DTNB: variants seen among roughly 807,000 people sequenced by gnomAD.
DTNB encodes the protein DTN-B.
In DTNB, 63 loss-of-function variants were observed where a neutral mutation model predicts 90.7. The ratio of observed to expected loss-of-function variants is 0.69; its 90% confidence interval spans 0.57 to 0.86. DTNB has a LOEUF of 0.86. DTNB is among the 40% of genes least tolerant of loss of function. DTNB has a pLI of 0.00. For synonymous variants in DTNB, 277 were observed against 286.7 expected (o/e 0.97, Z 0.34); for missense variants, 744 against 807.1 (o/e 0.92, Z 0.95).
At chr2:25,455,986 G>A (rs1166537513) in intron 10 of DTNB, among the ~76,000 whole-genome samples, 2 of 152,114 alleles carry the variant, frequency 1.3e-5, no homozygotes, top group Admixed American at 1.3e-4. Context: ...TAAGGATACT[G>A]CCTTTAGCAT....
At chr2:25,497,418 A>G (rs1277344239) in intron 9 of DTNB, 2 of 152,238 alleles carry the variant, frequency 1.3e-5, no homozygotes, top group Non-Finnish European at 2.9e-5. Context: ...GCCTCTTCTA[A>G]TTGCCAACTC....
intron 12 of DTNB, among the ~76,000 whole-genome samples, chr2:25,450,533 T>C (rs2059122352): frequency 6.6e-6 from 1 of 152,186 alleles, no homozygotes; most frequent in African/African-American, 2.4e-5. Context: ...TTATTCTAGG[T>C]CCTTTGGTTC....
At chr2:25,546,960 C>T (rs2082558404) in intron 8 of DTNB, among the ~76,000 whole-genome samples, 1 of 152,070 alleles carries the variant, frequency 6.6e-6, no homozygotes, top group African/African-American at 2.4e-5. Context: ...AATCCTCCCA[C>T]CTCAGCCTTC....
chr2:25,553,088 C>T, intron 8 of DTNB, among the ~76,000 whole-genome samples: 1 of 151,498 alleles, frequency 6.6e-6, no homozygotes, highest in Non-Finnish European at 1.5e-5. Context: ...TCTCGATCTC[C>T]TGACCTCATG....
At position 25,634,050 on chromosome 2, in the gene DTNB, G is replaced by A. The variant is rs559399936; in HGVS notation, c.148+4964C>T. ...CGTCTGGGAAGTTAGGAGCGTCTACGCCCGGCAGCCAGGAGGGAGGTGGGG... is the reference window on the plus strand; with the variant it reads ...CGTCTGGGAAGTTAGGAGCGTCTACACCCGGCAGCCAGGAGGGAGGTGGGG... On this transcript the variant is annotated intron_variant, in intron 3 of 20. Transcript: ENST00000406818. Among the ~76,000 whole-genome samples, 168 of 152,010 alleles carry A rather than the reference G, an allele frequency of 1.1e-3. 1 individual carries two copies. Among genetic ancestry groups the A allele is most frequent in the African/African-American group, 3.2e-3 (132 of 41,504 alleles).
chr2:25,464,975 TA>T, intron 10 of DTNB, among the ~76,000 whole-genome samples: 2 of 152,286 alleles, frequency 1.3e-5, no homozygotes, highest in South Asian at 4.1e-4. Context: ...CATGAGTGGA[TA>T]AACTAGTGAA....
intron 10 of DTNB, among the ~76,000 whole-genome samples, chr2:25,465,955 A>G (rs2061696187): frequency 6.6e-6 from 1 of 152,220 alleles, no homozygotes; most frequent in Non-Finnish European, 1.5e-5. Flanking sequence ...ACCTCCTGAA[A>G]CAGTGCCTCG....
chr2:25,394,248 T>C (rs1177889866), intron 16 of DTNB, among the ~76,000 whole-genome samples: 1 of 151,948 alleles, frequency 6.6e-6, no homozygotes, highest in African/African-American at 2.4e-5. Context: ...TCAACTCAGG[T>C]TGGATCAAAG....
At chr2:25,642,422 T>G (rs889660313) in intron 2 of DTNB, among the ~76,000 whole-genome samples, 4 of 148,606 alleles carry the variant, frequency 2.7e-5, no homozygotes, top group African/African-American at 9.9e-5. Flanking sequence ...GGGACACTAT[T>G]TTTTTTTTTT....
intron 1 of DTNB, among the ~76,000 whole-genome samples, chr2:25,655,697 T>C (rs78127675): frequency 8.5e-4 from 130 of 152,324 alleles, no homozygotes; most frequent in African/African-American, 3.0e-3. Context: ...ATCCCGGAAC[T>C]GCATGGCAAG....
In DTNB at chr2:25,490,529, A is replaced by G. The variant is rs192205626; in HGVS notation, c.1002-7656T>C. On this transcript the variant is annotated intron_variant, in intron 9 of 20. Coordinates refer to ENST00000406818, the MANE Select transcript of DTNB (RefSeq NM_021907.5). The stretch of plus-strand genomic sequence containing the variant: ...TAGGAATCAATTCAAAAGACTAATT[A>G]GAAATGCACAAAGAGATTTATATTA... Among the ~76,000 whole-genome samples, 424 of 152,318 alleles carry G rather than the reference A, an allele frequency of 2.8e-3. 2 individuals carry two copies. Among genetic ancestry groups the G allele is most frequent in the Non-Finnish European group, 3.4e-3 (228 of 68,010 alleles).
At chr2:25,653,059 G>A (rs572128144) in intron 1 of DTNB, 14 of 154,780 alleles carry the variant, frequency 9.0e-5, no homozygotes, top group Non-Finnish European at 2.0e-4. Flanking sequence ...CTGTAATAAA[G>A]GACATAAGAA....
intron 16 of DTNB, among the ~76,000 whole-genome samples, chr2:25,411,804 C>T (rs2046691903): frequency 6.6e-6 from 1 of 152,164 alleles, no homozygotes; most frequent in South Asian, 2.1e-4. Context: ...CTCCAAAAGG[C>T]CAGGCTCACT....
At chr2:25,434,117 G>T in intron 12 of DTNB, 122 bp from the exon 13 acceptor site, 2 of 840,036 alleles carry the variant, frequency 2.4e-6, no homozygotes, top group Non-Finnish European at 3.7e-6. Flanking sequence ...AAATCCACCC[G>T]TTTTAAGTAT....
intron 7 of DTNB, among the ~76,000 whole-genome samples, chr2:25,579,607 T>C (rs1179406212): frequency 6.6e-6 from 1 of 151,592 alleles, no homozygotes; most frequent in Non-Finnish European, 1.5e-5. Context: ...AAGAAGTCAC[T>C]AAGAGATAAG....
chr2:25,639,003 A>G lies in DTNB; in HGVS notation c.148+11T>C. Reference sequence around the variant, plus strand: ...ATCCAGCTATCACAGAAATGAGTAGAAATGACTCACGGTTGCATCGTTTTT... The same window carrying G: ...ATCCAGCTATCACAGAAATGAGTAGGAATGACTCACGGTTGCATCGTTTTT... On this transcript the variant is annotated intron_variant, in intron 3 of 20. Transcript: ENST00000406818. 1 of 1,570,562 alleles carries G rather than the reference A, an allele frequency of 6.4e-7. No homozygotes were observed. The highest frequency in any genetic ancestry group is 8.7e-7 in the Non-Finnish European group (1 of 1,152,530).
intron 16 of DTNB, among the ~76,000 whole-genome samples, chr2:25,413,512 G>A (rs556402835): frequency 3.3e-5 from 5 of 150,426 alleles, no homozygotes; most frequent in Non-Finnish European, 5.9e-5. Flanking sequence ...GAGAACATGC[G>A]GTGTTTGGTT....
chr2:25,630,790 G>A (rs1028951365), intron 3 of DTNB, among the ~76,000 whole-genome samples: 6 of 131,738 alleles, frequency 4.6e-5, no homozygotes, highest in Non-Finnish European at 9.1e-5. Context: ...CTTGCAGTGA[G>A]CCAAGATTAC....
intron 2 of DTNB, 125 bp from the exon 3 acceptor site, chr2:25,639,219 G>A: frequency 1.1e-6 from 1 of 876,022 alleles, no homozygotes; most frequent in Non-Finnish European, 1.6e-6. Context: ...AAAAACGGTG[G>A]GTCAATTAAA....
Sources: gnomAD v4.1 joint callset for allele counts (sites outside exome capture counted in the v4.1 genomes callset) on GRCh38, gnomAD v4.1.1 for gene constraint, MANE v1.5 for transcripts, NCBI Gene and HGNC (gene_info 2026-07-23, HGNC 2026-07-21) for gene names.